ABCC11: variants seen among roughly 807,000 people sequenced by gnomAD.
The protein encoded by ABCC11 is ATP binding cassette subfamily C member 11.
A neutral mutation model predicts 149.3 loss-of-function variants in ABCC11; 135 were observed. The ratio of observed to expected loss-of-function variants is 0.90; its 90% CI spans 0.79 to 1.04. ABCC11 has a LOEUF of 1.04. ABCC11 is among the 50% of genes least tolerant of loss of function. ABCC11 has a pLI of 0.00. For missense variants in ABCC11, 1,680 were observed against 1,722.1 expected (o/e 0.98, Z 0.43); for synonymous variants, 665 against 671.4 (o/e 0.99, Z 0.15).
intron 28 of ABCC11, among the ~76,000 whole-genome samples, chr16:48,168,960 T>C (rs1413317760): frequency 3.3e-5 from 5 of 152,168 alleles, no homozygotes; most frequent in Non-Finnish European, 7.3e-5. Context: ...AAAACCTAGA[T>C]GATGGGTTGA....
chr16:48,178,458 A>G, intron 24 of ABCC11, 139 bp downstream of exon 24: 1 of 722,320 alleles, frequency 1.4e-6, no homozygotes. Context: ...AGTCTGGGGA[A>G]GACAGGGAGG....
At chr16:48,244,737 C>G (rs571992001) in intron 1 of ABCC11, 1 of 659,286 alleles carries the variant, frequency 1.5e-6, no homozygotes, top group Non-Finnish European at 2.2e-6. Context: ...CTTCGCGGCT[C>G]GGTTCCGCCT....
At chr16:48,201,220 TAATAA>T (rs1204605817) in intron 14 of ABCC11, among the ~76,000 whole-genome samples, 1 of 152,204 alleles carries the variant, frequency 6.6e-6, no homozygotes, top group Non-Finnish European at 1.5e-5. Context: ...AAAATTCAGA[TAATAA>T]AATAAGTCAC....
chr16:48,175,174 A>G, intron 26 of ABCC11, 84 bp downstream of exon 26: 1 of 1,508,582 alleles, frequency 6.6e-7, no homozygotes, highest in Non-Finnish European at 9.0e-7. Flanking sequence ...GGCATTGGTC[A>G]CCAGCTCACT....
rs1197435034 is a variant in ABCC11 at position 48,167,124 on chromosome 16, C to A, written c.*150G>T. ...AAGTAGCCTATTCCAGGGTTTCCATCCAGCAATCCCCACCCCCCCTACATT... is the reference window on the plus strand; with the variant it reads ...AAGTAGCCTATTCCAGGGTTTCCATACAGCAATCCCCACCCCCCCTACATT... On this transcript the variant is annotated 3_prime_UTR_variant, in exon 30 of 30. Coordinates refer to ENST00000356608, the MANE Select transcript of ABCC11 (RefSeq NM_001370497.1). The A allele has an allele frequency of 3.1e-6, 2 of 636,534 alleles. No homozygotes were observed. The highest frequency in any genetic ancestry group is 5.7e-6 in the Non-Finnish European group (2 of 349,850). The allele number at this position is 636,534 out of a possible 1,614,324, so 39.4% of individuals were successfully genotyped here.
intron 1 of ABCC11, 85 bp downstream of exon 1, chr16:48,247,229 A>G (rs1971448378): frequency 6.6e-6 from 1 of 152,004 alleles, no homozygotes; most frequent in Non-Finnish European, 1.5e-5. Context: ...AAAAAAAAAA[A>G]AAAAAAAGGC....
At chr16:48,171,681 C>A (rs982054697) in intron 26 of ABCC11, among the ~76,000 whole-genome samples, 6 of 152,090 alleles carry the variant, frequency 3.9e-5, no homozygotes, top group Admixed American at 2.6e-4. Context: ...TTTCATCATC[C>A]TGCTGGGCAT....
At chr16:48,188,806 A>T (rs1966846980) in intron 20 of ABCC11, among the ~76,000 whole-genome samples, 1 of 152,224 alleles carries the variant, frequency 6.6e-6, no homozygotes, top group Non-Finnish European at 1.5e-5. Flanking sequence ...TGACCAAATG[A>T]CCACCTACAT....
intron 27 of ABCC11, 110 bp from the exon 28 acceptor site, chr16:48,170,328 A>G: frequency 1.2e-6 from 1 of 819,906 alleles, no homozygotes; most frequent in African/African-American, 1.7e-5. Context: ...TCCTCTCTCT[A>G]CGCTCCAGCC....
In ABCC11 at chr16:48,231,814, T is replaced by C. The variant is rs751857323; in HGVS notation, c.99+9A>G. On this transcript the variant is annotated intron_variant, in intron 2 of 29. Transcript: ENST00000356608. ...TTCCTGGTGTGCTGATGCTAAGAGA[T>C]CTACTTACATAAATAAGTCCTGAAA... 1.9e-6 allele frequency: 3 copies of C among 1,613,866 alleles called. No individual in the cohort carries two copies. The highest frequency in any genetic ancestry group is 2.5e-6 in the Non-Finnish European group (3 of 1,179,856).
intron 1 of ABCC11, among the ~76,000 whole-genome samples, chr16:48,239,852 A>T (rs1034377405): frequency 6.6e-6 from 1 of 152,214 alleles, no homozygotes; most frequent in African/African-American, 2.4e-5. Flanking sequence ...AACCCCATTA[A>T]ACAGTGGGCA....
chr16:48,209,857 A>C (rs1968769505), intron 11 of ABCC11: 1 of 152,188 alleles, frequency 6.6e-6, no homozygotes, highest in Admixed American at 6.5e-5. Flanking sequence ...TATATTAATT[A>C]TTTAAAAAAG....
intron 1 of ABCC11, among the ~76,000 whole-genome samples, chr16:48,239,738 G>C (rs984371712): frequency 6.6e-6 from 1 of 152,074 alleles, no homozygotes; most frequent in Non-Finnish European, 1.5e-5. Context: ...AGAGTGAACA[G>C]ACAACCTACA....
At chr16:48,180,127 T>G (rs147469747) in intron 23 of ABCC11, among the ~76,000 whole-genome samples, 2 of 152,378 alleles carry the variant, frequency 1.3e-5, no homozygotes, top group African/African-American at 2.4e-5. Context: ...GAAGCTTGGT[T>G]AATCCAAACC....
At position 48,224,287 on chromosome 16, in the gene ABCC11, C is replaced by G. The variant is rs17822931; in HGVS notation, c.538G>C (p.Gly180Arg). Residue 180 changes from glycine to arginine, a missense_variant, in exon 5 of 30, where the codon GGG becomes CGG. By Grantham distance (125) the Gly-to-Arg change is moderately radical (BLOSUM62 -2). Coordinates refer to ENST00000356608, the MANE Select transcript of ABCC11 (RefSeq NM_001370497.1). ...TCACCAAGTCTGCCACTTACTGGCC[C>G]GAGTACACTGGCAATGCAGAAGCAG... is the stretch of plus-strand genomic sequence containing the variant. ...GICFCIASVL[G>R]PILIIPKILE... 3 of 1,613,862 alleles carry G rather than the reference C, an allele frequency of 1.9e-6. No individual in the cohort carries two copies. Among genetic ancestry groups the G allele is most frequent in the Admixed American group, 1.7e-5 (1 of 59,990 alleles).
intron 1 of ABCC11, among the ~76,000 whole-genome samples, chr16:48,240,578 C>A (rs1435598113): frequency 9.9e-5 from 15 of 152,120 alleles, no homozygotes. Flanking sequence ...GGATGCTGGG[C>A]TTAATACCTA....
chr16:48,171,101 A>G (rs1965688875), intron 26 of ABCC11, 134 bp from the exon 27 acceptor site: 2 of 822,158 alleles, frequency 2.4e-6, no homozygotes, highest in Non-Finnish European at 4.0e-6. Flanking sequence ...AACCACCACA[A>G]ATGGAGATTT....
At chr16:48,236,263 T>C (rs958148702) in intron 1 of ABCC11, among the ~76,000 whole-genome samples, 1 of 152,204 alleles carries the variant, frequency 6.6e-6, no homozygotes, top group Non-Finnish European at 1.5e-5. Flanking sequence ...ATCTTTGCAT[T>C]AGTCCTAATA....
intron 6 of ABCC11, among the ~76,000 whole-genome samples, chr16:48,220,428 A>G (rs1215193003): frequency 6.6e-6 from 1 of 152,250 alleles, no homozygotes; most frequent in Non-Finnish European, 1.5e-5. Flanking sequence ...CGTATGGCTA[A>G]GAGTAAGTTA....
Sources: gnomAD v4.1 joint callset for allele counts (sites outside exome capture counted in the v4.1 genomes callset) on GRCh38, gnomAD v4.1.1 for gene constraint, MANE v1.5 for transcripts, NCBI Gene and HGNC (gene_info 2026-07-23, HGNC 2026-07-21) for gene names.